The following CNBD1 variants were observed in gnomAD, a reference collection of about 807,000 sequenced individuals.
CNBD1 encodes the protein cyclic nucleotide binding domain containing 1.
Under a neutral mutation model 54.4 loss-of-function variants are expected in CNBD1, and 71 were observed. That is an observed-to-expected ratio of 1.30 (90% CI 1.08 to 1.59). CNBD1 has a LOEUF of 1.59. CNBD1 is among the 40% of genes most tolerant of loss of function. The pLI, the probability that CNBD1 is intolerant of heterozygous loss-of-function variation, is 0.00. For missense variants in CNBD1, 659 were observed against 518.0 expected, an observed-to-expected ratio of 1.27 and a Z score of -2.64; for synonymous variants, 182 against 170.7, an observed-to-expected ratio of 1.07 and a Z score of -0.51.
chr8:86,887,351 A>T (rs1182437438), intron 1 of CNBD1, among the ~76,000 whole-genome samples, 191 bp from the exon 2 acceptor site: 1 of 152,202 alleles, frequency 6.6e-6, no homozygotes, highest in Non-Finnish European at 1.5e-5. Context: ...AATAAAAAAC[A>T]TTAAATTCTT....
intron 4 of CNBD1, among the ~76,000 whole-genome samples, chr8:87,028,446 A>G (rs985664753): frequency 6.6e-6 from 1 of 152,234 alleles, no homozygotes; most frequent in African/African-American, 2.4e-5. Flanking sequence ...CCAGAACACC[A>G]GGAGTTCAAT....
chr8:87,378,576 G>A (rs1450288158), intron 10 of CNBD1, among the ~76,000 whole-genome samples: 3 of 150,102 alleles, frequency 2.0e-5, no homozygotes, highest in Non-Finnish European at 4.4e-5. Flanking sequence ...ATAGTTTGAA[G>A]TCAGGTAGTG....
chr8:87,344,622 C>T (rs142874639), intron 8 of CNBD1, among the ~76,000 whole-genome samples: 2 of 151,780 alleles, frequency 1.3e-5, no homozygotes, highest in African/African-American at 4.8e-5. Flanking sequence ...CCTGTGTAGA[C>T]TACTTTAATG....
chr8:86,868,958 T>C (rs1808402872), intron 1 of CNBD1, among the ~76,000 whole-genome samples: 1 of 124,944 alleles, frequency 8.0e-6, no homozygotes, highest in Non-Finnish European at 1.7e-5. Flanking sequence ...AGAGTCAGAA[T>C]GATATGTGAG....
At position 87,353,619 on chromosome 8, in the gene CNBD1, A is replaced by T; in HGVS notation, c.1153-17A>T. On this transcript the variant is annotated splice_polypyrimidine_tract_variant and intron_variant, in intron 9 of 10. Transcript: ENST00000518476. ...GAAGCAGTTGCATTAAACATCAATA[A>T]TATATTTTTTTAACAGAAAAGATCT... 1 of 1,505,862 alleles carries T rather than the reference A, an allele frequency of 6.6e-7. No homozygotes were observed. Among genetic ancestry groups the T allele is most frequent in the East Asian group, 2.3e-5 (1 of 43,734 alleles). 93.3% of individuals were successfully genotyped at this position (1,505,862 alleles called of 1,614,324 possible).
intron 6 of CNBD1, among the ~76,000 whole-genome samples, chr8:87,242,694 T>C (rs1254075030): frequency 6.6e-6 from 1 of 152,170 alleles, no homozygotes; most frequent in African/African-American, 2.4e-5. Flanking sequence ...TTCAACCACC[T>C]TGGGCACATG....
intron 10 of CNBD1, among the ~76,000 whole-genome samples, chr8:87,364,249 A>T (rs932667872): frequency 2.6e-5 from 4 of 151,444 alleles, no homozygotes; most frequent in Non-Finnish European, 5.9e-5. Flanking sequence ...ATATATTCAC[A>T]CATCTAATGT....
At chr8:87,225,024 T>C (rs1300264491) in intron 5 of CNBD1, among the ~76,000 whole-genome samples, 1 of 152,052 alleles carries the variant, frequency 6.6e-6, no homozygotes, top group Non-Finnish European at 1.5e-5. Flanking sequence ...GGGAGTTCAC[T>C]CGTGATTTGG....
At chr8:87,394,238 T>C (rs1191895352) in intron 2 of CNBD1, among the ~76,000 whole-genome samples, 1 of 151,830 alleles carries the variant, frequency 6.6e-6, no homozygotes, top group Non-Finnish European at 1.5e-5. Flanking sequence ...AGAAGACTCC[T>C]AACAATGCAA....
intron 4 of CNBD1, among the ~76,000 whole-genome samples, chr8:87,191,000 C>A (rs900588133): frequency 2.0e-5 from 3 of 149,486 alleles, no homozygotes; most frequent in African/African-American, 4.9e-5. Context: ...AAAGCTAATT[C>A]TCCTTAATAA....
chr8:87,270,514 G>T (rs1808340949), intron 6 of CNBD1, among the ~76,000 whole-genome samples: 1 of 151,924 alleles, frequency 6.6e-6, no homozygotes, highest in Non-Finnish European at 1.5e-5. Context: ...ATTTTTGGTT[G>T]GGAGTGTAAA....
chr8:87,197,760 T>C (rs915909745), intron 4 of CNBD1, among the ~76,000 whole-genome samples: 1 of 152,234 alleles, frequency 6.6e-6, no homozygotes, highest in Non-Finnish European at 1.5e-5. Context: ...TTCATCAAAA[T>C]GATAAAGAGC....
intron 4 of CNBD1, among the ~76,000 whole-genome samples, chr8:86,944,866 ACAGTGGCCCATAT>A (rs1161399652): frequency 2.0e-5 from 3 of 152,202 alleles, no homozygotes; most frequent in African/African-American, 4.8e-5. Context: ...GTGAAAGATG[ACAGTGGCCCATAT>A]TCTGTGTTAG....
chr8:87,418,795 A>G (rs191267866), intron 2 of CNBD1, among the ~76,000 whole-genome samples: 28 of 152,082 alleles, frequency 1.8e-4, no homozygotes, highest in African/African-American at 6.0e-4. Flanking sequence ...TATAAAATAT[A>G]GACAGTAATA....
chr8:86,938,936 T>C (rs774139141), intron 3 of CNBD1, among the ~76,000 whole-genome samples: 18 of 152,360 alleles, frequency 1.2e-4, no homozygotes, highest in South Asian at 2.1e-4. Flanking sequence ...AGGTCTATTA[T>C]CAAGATGTAA....
intron 6 of CNBD1, among the ~76,000 whole-genome samples, chr8:87,255,194 A>G (rs895172865): frequency 6.6e-6 from 1 of 152,158 alleles, no homozygotes; most frequent in African/African-American, 2.4e-5. Context: ...TGCAAAAAAA[A>G]GTCGACAGAG....
intron 4 of CNBD1, among the ~76,000 whole-genome samples, chr8:87,100,478 G>T (rs1193915192): frequency 1.3e-5 from 2 of 151,982 alleles, no homozygotes; most frequent in African/African-American, 2.4e-5. Context: ...CCAAGGTTTT[G>T]TTTGTTTGTT....
chr8:87,108,556 A>T (rs1229215581), intron 4 of CNBD1, among the ~76,000 whole-genome samples: 1 of 152,200 alleles, frequency 6.6e-6, no homozygotes, highest in Non-Finnish European at 1.5e-5. Context: ...TCTCTTAAGA[A>T]CCAACATTCA....
chr8:87,337,669 G>A (rs1209362351), intron 8 of CNBD1, among the ~76,000 whole-genome samples: 2 of 152,180 alleles, frequency 1.3e-5, no homozygotes, highest in African/African-American at 4.8e-5. Context: ...AGTTTTCCAG[G>A]CTGGGCAGCA....
Sources: allele counts gnomAD v4.1 joint callset (sites outside exome capture counted in the v4.1 genomes callset), GRCh38; gene constraint gnomAD v4.1.1; transcripts MANE v1.5; gene names NCBI Gene and HGNC (gene_info 2026-07-23, HGNC 2026-07-21).